The following TUBG1 variants were observed in gnomAD, a reference collection of about 807,000 sequenced individuals.
TUBG1 encodes the protein tubulin gamma-1 chain.
A neutral mutation model predicts 53.3 loss-of-function variants in TUBG1; 22 were observed. The ratio of observed to expected loss-of-function variants is 0.41; its 90% confidence interval spans 0.29 to 0.59. The LOEUF is 0.59. Among genes scored for constraint, TUBG1 ranks in the 20% least tolerant of loss-of-function variants. The pLI, the probability that TUBG1 is intolerant of heterozygous loss-of-function variation, is 0.26. For missense variants in TUBG1, 217 were observed against 598.9 expected, an observed-to-expected ratio of 0.36 and a Z score of 6.66; for synonymous variants, 198 against 236.7, an observed-to-expected ratio of 0.84 and a Z score of 1.50.
In TUBG1 at chr17:42,610,130, G is replaced by A; in HGVS notation, c.72G>A (p.Gln24=). 6.2e-7 allele frequency: 1 copy of A among 1,614,260 alleles called. No homozygotes were observed. The highest frequency in any genetic ancestry group is 2.2e-5 in the East Asian group (1 of 44,890). ...GNQIGFEFWK[Q]LCAEHGISPE... is the part of the protein sequence containing the mutation. ...CAGTTGGGTTCGAGTTCTGGAAACA[G>A]CTGTGCGCCGAGCATGGTATCAGCC... Residue 24 remains glutamine (Q), a synonymous_variant, in exon 2 of 11, where the codon CAG becomes CAA. Transcript: ENST00000251413.
At position 42,612,214 on chromosome 17, in the gene TUBG1, G is replaced by A. The variant is rs578108435; in HGVS notation, c.399+71G>A. On this transcript the variant is annotated intron_variant, in intron 4 of 10. Coordinates refer to ENST00000251413, the MANE Select transcript of TUBG1 (RefSeq NM_001070.5). Reference sequence around the variant, plus strand: ...TGGCAGCACCCTCTAGAAGCGACCTGTTAGGAACAAGACCCACTCATGTAC... The same window carrying A: ...TGGCAGCACCCTCTAGAAGCGACCTATTAGGAACAAGACCCACTCATGTAC... The A allele has an allele frequency of 9.2e-4, 1,406 of 1,531,722 alleles. 3 individuals carry two copies. The highest frequency in any genetic ancestry group is 4.3e-3 in the Middle Eastern group (25 of 5,782). The allele number at this position is 1,531,722 out of a possible 1,614,324, so 94.9% of individuals were successfully genotyped here. A position where few individuals can be genotyped will look rare whatever the true frequency, so the allele number is the denominator to read the frequency against.
intron 3 of TUBG1, 133 bp from the exon 4 acceptor site, chr17:42,611,942 G>A: frequency 1.4e-6 from 1 of 728,480 alleles, no homozygotes; most frequent in Non-Finnish European, 2.4e-6. Flanking sequence ...GCCTCTCAAT[G>A]TAGATAAAAG....
chr17:42,614,714 C>T lies in TUBG1; in HGVS notation c.1158+57C>T. 6.2e-7 allele frequency: 1 copy of T among 1,608,192 alleles called. No individual in the cohort carries two copies. Among genetic ancestry groups the T allele is most frequent in the Non-Finnish European group, 8.5e-7 (1 of 1,176,170 alleles). ...GAATCAGTTTCCTGACTATACCTCA[C>T]CTCTCTGCATCTGCTGGCCCTGCTT... On this transcript the variant is annotated intron_variant, in intron 10 of 10. Transcript: ENST00000251413. The surrounding 1 kb of genome is among the most constrained non-coding windows in gnomAD (Gnocchi z 5.1).
rs1467879475 is a variant in TUBG1 at position 42,614,510 on chromosome 17, G to A, written c.1011G>A (p.Leu337=). Residue 337 remains leucine, a synonymous_variant, in exon 10 of 11, where the codon TTG becomes TTA. Transcript: ENST00000251413. The surrounding 1 kb of genome is among the most constrained non-coding windows in gnomAD (Gnocchi z 5.1). ...GCCCACCCCAGGTCCACAAGAGCTT[G>A]CAGAGGATCCGGGAACGCAAGTTGG... is the stretch of plus-strand genomic sequence containing the variant. ...EVDPTQVHKS[L]QRIRERKLAN... The A allele has an allele frequency of 1.2e-6, 2 of 1,613,556 alleles. No homozygotes were observed. Among genetic ancestry groups the A allele is most frequent in the Middle Eastern group, 1.7e-4 (1 of 6,060 alleles).
chr17:42,610,280 T>C (rs986139326), intron 2 of TUBG1, 60 bp downstream of exon 2: 3 of 1,611,224 alleles, frequency 1.9e-6, no homozygotes, highest in Non-Finnish European at 1.7e-6. Context: ...GGGAAGGGAG[T>C]GGCCTGGTAC....
At position 42,614,727 on chromosome 17, in the gene TUBG1, G is replaced by T. The variant is rs2052063429; in HGVS notation, c.1158+70G>T. 1 of 1,605,002 alleles carries T rather than the reference G, an allele frequency of 6.2e-7. No individual in the cohort carries two copies. ...GACTATACCTCACCTCTCTGCATCT[G>T]CTGGCCCTGCTTCTAGCTTTTTTGC... On this transcript the variant is annotated intron_variant, in intron 10 of 10. Coordinates refer to ENST00000251413, the MANE Select transcript of TUBG1 (RefSeq NM_001070.5). This position sits in a 1 kb window ranked among gnomAD's most constrained non-coding sequence, Gnocchi z 5.1.
rs759916025 is a variant in TUBG1 at position 42,613,673 on chromosome 17, C to T, written c.633C>T (p.Asn211=). ...TGGTGCTGGACAACACAGCCCTGAA[C>T]CGGATTGCCACAGACCGCCTGCACA... ...CVVVLDNTAL[N]RIATDRLHIQ... is the part of the protein sequence containing the mutation. The change falls in exon 7 of 11, where the codon AAC becomes AAT. Residue 211 remains asparagine, a synonymous_variant. Coordinates refer to ENST00000251413, the MANE Select transcript of TUBG1 (RefSeq NM_001070.5). The T allele has an allele frequency of 9.9e-6, 16 of 1,614,024 alleles. No homozygotes were observed. Among genetic ancestry groups the T allele is most frequent in the Non-Finnish European group, 1.1e-5 (13 of 1,180,036 alleles).
rs998269947 is a variant in TUBG1 at position 42,609,722 on chromosome 17, C to A, written c.-16C>A. On this transcript the variant is annotated 5_prime_UTR_variant, in exon 1 of 11. Transcript: ENST00000251413. ...TTGCGGGCGGGAGCGGCTGCAACGC[C>A]GGTGCCTGAGGAGCGATGCCGAGGG... The A allele has an allele frequency of 1.9e-6, 3 of 1,547,216 alleles. No individual in the cohort carries two copies. The highest frequency in any genetic ancestry group is 1.2e-5 in the South Asian group (1 of 83,812).
In TUBG1 at chr17:42,615,156, G is replaced by A; in HGVS notation, c.*115G>A. On this transcript the variant is annotated 3_prime_UTR_variant, in exon 11 of 11. Coordinates refer to ENST00000251413, the MANE Select transcript of TUBG1 (RefSeq NM_001070.5). ...TCACGCATCTCTTTCTCATATACAT[G>A]GACTCTCTGTTGGCCTGCAAACACA... 2 of 962,810 alleles carry A rather than the reference G, an allele frequency of 2.1e-6. No homozygotes were observed. The highest frequency in any genetic ancestry group is 3.2e-5 in the South Asian group (2 of 63,440). The allele number at this position is 962,810 out of a possible 1,614,324, so 59.6% of individuals were successfully genotyped here.
chr17:42,612,512 T>G lies in TUBG1; in HGVS notation c.479+6T>G. The G allele has an allele frequency of 6.2e-7, 1 of 1,613,832 alleles. No individual in the cohort carries two copies. Among genetic ancestry groups the G allele is most frequent in the Admixed American group, 1.7e-5 (1 of 59,984 alleles). Reference sequence around the variant, plus strand: ...TTAGAACGGCTGAATGACAGGTAAGTTTGTGTTTGGGGATTAGGAAAGGTC... The same window carrying G: ...TTAGAACGGCTGAATGACAGGTAAGGTTGTGTTTGGGGATTAGGAAAGGTC... On this transcript the variant is annotated splice_donor_region_variant and intron_variant, in intron 5 of 10. Coordinates refer to ENST00000251413, the MANE Select transcript of TUBG1 (RefSeq NM_001070.5).
chr17:42,614,157 CT>C lies in TUBG1; in HGVS notation c.844-101del, dbSNP rs370306409. 6.5e-4 allele frequency: 1,037 copies of C among 1,592,780 alleles called. 22 individuals carry two copies. In the South Asian group the frequency reaches 0.011, roughly 17 times the overall value. Reference sequence around the variant, plus strand: ...ACAGAGTGGGCGACTTTCTTGCTGACTTGCTCTCCACCCTCCCTCTGCCTTT... The same window carrying C: ...ACAGAGTGGGCGACTTTCTTGCTGACTGCTCTCCACCCTCCCTCTGCCTTT... On this transcript the variant is annotated intron_variant, in intron 8 of 10. Coordinates refer to ENST00000251413, the MANE Select transcript of TUBG1 (RefSeq NM_001070.5). This position sits in a 1 kb window ranked among gnomAD's most constrained non-coding sequence, Gnocchi z 5.1.
In TUBG1 at chr17:42,612,379, C is replaced by A. The variant is rs779565837; in HGVS notation, c.400-48C>A. On this transcript the variant is annotated intron_variant, in intron 4 of 10. Coordinates refer to ENST00000251413, the MANE Select transcript of TUBG1 (RefSeq NM_001070.5). The stretch of plus-strand genomic sequence containing the variant: ...AAACTATGAGATGGGTCTAGTTTGA[C>A]ATCCTGCCACTAGATACCTGTACAC... 15 of 1,584,908 alleles carry A rather than the reference C, an allele frequency of 9.5e-6. No individual in the cohort carries two copies. The South Asian group carries it at 1.7e-4, about 18-fold the overall frequency.
At chr17:42,612,298 G>A (rs2052042302) in intron 4 of TUBG1, 129 bp from the exon 5 acceptor site, 3 of 1,304,376 alleles carry the variant, frequency 2.3e-6, no homozygotes, top group Non-Finnish European at 3.3e-6. Context: ...TGCCTAAGCT[G>A]TATAAGTGAG....
intron 6 of TUBG1, among the ~76,000 whole-genome samples, chr17:42,613,400 G>A (rs111692152): frequency 1.7e-4 from 26 of 151,954 alleles, no homozygotes; most frequent in African/African-American, 5.6e-4. Flanking sequence ...TCCAGCCGGG[G>A]TGACAAAGTG....
chr17:42,613,786 G>A, intron 7 of TUBG1, 53 bp downstream of exon 7: 4 of 1,614,146 alleles, frequency 2.5e-6, no homozygotes, highest in Non-Finnish European at 2.5e-6. Context: ...TTGTTGGAGG[G>A]TCATTTGGGG....
At chr17:42,613,545 G>A (rs537834626) in intron 6 of TUBG1, 102 bp from the exon 7 acceptor site, 1 of 1,564,524 alleles carries the variant, frequency 6.4e-7, no homozygotes, top group Non-Finnish European at 8.8e-7. Flanking sequence ...GAGTCTTTCT[G>A]GCCATGAAGC....
chr17:42,613,734 G>T lies in TUBG1; in HGVS notation c.693+1G>T. 6.2e-7 allele frequency: 1 copy of T among 1,614,112 alleles called. No homozygotes were observed. The highest frequency in any genetic ancestry group is 8.5e-7 in the Non-Finnish European group (1 of 1,180,030). On this transcript the variant is annotated splice_donor_variant, in intron 7 of 10. Transcript: ENST00000251413. LOFTEE classifies it high-confidence loss of function. ...ATCCTTCTCCCAGATCAACCAGCTGGTGGGCCCCCACTCCTGGACTCCTTT... is the reference window on the plus strand; with the variant it reads ...ATCCTTCTCCCAGATCAACCAGCTGTTGGGCCCCCACTCCTGGACTCCTTT...
At chr17:42,611,044 T>A (rs2052028493) in intron 3 of TUBG1, 1 of 153,298 alleles carries the variant, frequency 6.5e-6, no homozygotes. Context: ...CGCTCTCAGC[T>A]CACTGCAACC....
intron 3 of TUBG1, chr17:42,611,341 C>T (rs753678094): frequency 6.6e-6 from 1 of 152,058 alleles, no homozygotes; most frequent in East Asian, 1.9e-4. Flanking sequence ...ATTTGATTAA[C>T]GTGCTTCTGA....
Sources: allele counts gnomAD v4.1 joint callset (sites outside exome capture counted in the v4.1 genomes callset), GRCh38; gene constraint gnomAD v4.1.1; non-coding constraint Gnocchi (gnomAD v3.1); transcripts MANE v1.5; gene names NCBI Gene and HGNC (gene_info 2026-07-23, HGNC 2026-07-21).